RUNX1: variants seen among roughly 807,000 people sequenced by gnomAD.
RUNX1 encodes RUNX family transcription factor 1, also known as runt-related transcription factor 1.
Under a neutral mutation model 42.8 loss-of-function variants are expected in RUNX1, and 19 were observed. The ratio of observed to expected loss-of-function variants is 0.44; its 90% CI spans 0.31 to 0.65. The LOEUF (loss-of-function observed/expected upper bound fraction) is 0.65, where lower values mean the gene tolerates loss of function less well. RUNX1 is among the 30% of genes least tolerant of loss of function. The pLI, the probability that RUNX1 is intolerant of heterozygous loss-of-function variation, is 0.07. For missense variants in RUNX1, 528 were observed against 672.0 expected (o/e 0.79, Z 2.37); for synonymous variants, 271 against 289.4 (o/e 0.94, Z 0.64).
At chr21:34,938,337 T>G (rs375801658) in intron 2 of RUNX1, among the ~76,000 whole-genome samples, 1 of 152,192 alleles carries the variant, frequency 6.6e-6, no homozygotes, top group Non-Finnish European at 1.5e-5. Context: ...CTCTTTCAGT[T>G]ACTAATTAAG....
chr21:34,986,078 C>T (rs2058885368), intron 2 of RUNX1, among the ~76,000 whole-genome samples: 1 of 151,822 alleles, frequency 6.6e-6, no homozygotes, highest in Admixed American at 6.6e-5. Flanking sequence ...TGCCATGTTG[C>T]CCAGGCTGAT....
At chr21:34,887,739 A>C (rs1601531020) in intron 3 of RUNX1, 1 of 1,060,796 alleles carries the variant, frequency 9.4e-7, no homozygotes, top group Non-Finnish European at 1.1e-6. Context: ...AAATATTTAC[A>C]ATACAATCTG....
chr21:34,976,980 C>T lies in RUNX1; in HGVS notation c.58+71862G>A, dbSNP rs568392416. ...TGCTATCCAAATTACCTCACTCAAA[C>T]GGGGAAATGTTCCTTCCATTAAGTA... is the stretch of plus-strand genomic sequence containing the variant. On this transcript the variant is annotated intron_variant, in intron 2 of 8. Transcript: ENST00000675419. Among the ~76,000 whole-genome samples, 31 of 152,232 alleles carry T rather than the reference C, an allele frequency of 2.0e-4. 1 individual carries two copies. In the South Asian group the frequency reaches 5.0e-3, roughly 24 times the overall value.
chr21:34,974,049 T>C (rs985631516), intron 2 of RUNX1, among the ~76,000 whole-genome samples: 3 of 152,206 alleles, frequency 2.0e-5, no homozygotes, highest in Admixed American at 2.0e-4. Flanking sequence ...TAGATGGAGC[T>C]TTAGGCTATG....
At chr21:34,957,251 G>C (rs746536497) in intron 2 of RUNX1, among the ~76,000 whole-genome samples, 9 of 152,140 alleles carry the variant, frequency 5.9e-5, no homozygotes. Flanking sequence ...CACTAAATGT[G>C]ATAATTATCA....
At chr21:34,863,484 C>T (rs538476686) in intron 5 of RUNX1, among the ~76,000 whole-genome samples, 7 of 151,142 alleles carry the variant, frequency 4.6e-5, no homozygotes, top group Non-Finnish European at 1.0e-4. Context: ...AGGAGTAAAA[C>T]TTAATCAAAG....
At chr21:34,801,913 T>C (rs1219698090) in intron 7 of RUNX1, among the ~76,000 whole-genome samples, 1 of 152,188 alleles carries the variant, frequency 6.6e-6, no homozygotes, top group African/African-American at 2.4e-5. Flanking sequence ...ACTCTTGGTC[T>C]TTCTGTCTGG....
At chr21:34,793,852 C>T (rs931386020) in intron 8 of RUNX1, among the ~76,000 whole-genome samples, 2 of 151,732 alleles carry the variant, frequency 1.3e-5, no homozygotes, top group African/African-American at 4.9e-5. Context: ...TACAGGCGCC[C>T]GCCACCAGGC....
chr21:34,944,889 A>G (rs1050401111), intron 2 of RUNX1, among the ~76,000 whole-genome samples: 24 of 152,372 alleles, frequency 1.6e-4, no homozygotes, highest in African/African-American at 5.8e-4. Flanking sequence ...TGCTTGTTTA[A>G]CAGATGGCTT....
chr21:34,831,874 G>C (rs1284252269), intron 7 of RUNX1, among the ~76,000 whole-genome samples: 1 of 152,126 alleles, frequency 6.6e-6, no homozygotes, highest in East Asian at 1.9e-4. Context: ...CTCAAAACAT[G>C]ATTAGCGTAA....
intron 2 of RUNX1, among the ~76,000 whole-genome samples, chr21:34,949,667 G>T (rs983189315): frequency 6.6e-6 from 1 of 152,208 alleles, no homozygotes; most frequent in South Asian, 2.1e-4. Context: ...TGCCACACCC[G>T]CGCCAGCGAG....
rs554771158 is a variant in RUNX1 at position 34,801,685 on chromosome 21, T to C, written c.806-2223A>G. On this transcript the variant is annotated intron_variant, in intron 7 of 8. Coordinates refer to ENST00000675419, the MANE Select transcript of RUNX1 (RefSeq NM_001754.5). ...CCACAGTGACCTGTGCTTGGGTTCA[T>C]TGCCAGTGGTGGGCCAGAAGGTGGG... Among the ~76,000 whole-genome samples, 9 of 152,314 alleles carry C rather than the reference T, an allele frequency of 5.9e-5. No homozygotes were observed. The South Asian group carries it at 1.7e-3, about 28-fold the overall frequency.
chr21:34,963,725 A>T (rs559258467), intron 2 of RUNX1, among the ~76,000 whole-genome samples: 2 of 152,290 alleles, frequency 1.3e-5, no homozygotes, highest in South Asian at 2.1e-4. Flanking sequence ...GTGGATTTTG[A>T]CGGTGAATCA....
chr21:34,994,764 T>C (rs1479415544), intron 2 of RUNX1, among the ~76,000 whole-genome samples: 1 of 152,248 alleles, frequency 6.6e-6, no homozygotes, highest in African/African-American at 2.4e-5. Flanking sequence ...GTTAGACTCA[T>C]ACACATATAT....
At chr21:34,909,383 AG>A (rs2058252924) in intron 2 of RUNX1, among the ~76,000 whole-genome samples, 2 of 152,106 alleles carry the variant, frequency 1.3e-5, no homozygotes, top group African/African-American at 4.8e-5. Context: ...CACATCAGAT[AG>A]GTTTATTACT....
chr21:34,800,640 A>G (rs1001736292), intron 7 of RUNX1, among the ~76,000 whole-genome samples: 4 of 152,190 alleles, frequency 2.6e-5, no homozygotes, highest in Non-Finnish European at 5.9e-5. Flanking sequence ...GGGGCTTTTC[A>G]TTTCCAGCAG....
At chr21:34,804,368 C>T (rs906464511) in intron 7 of RUNX1, among the ~76,000 whole-genome samples, 1 of 152,048 alleles carries the variant, frequency 6.6e-6, no homozygotes, top group East Asian at 1.9e-4. Context: ...AGGAGGAGTT[C>T]ATAGAGAAGC....
intron 2 of RUNX1, among the ~76,000 whole-genome samples, chr21:34,942,580 T>C (rs1229682721): frequency 6.6e-6 from 1 of 152,226 alleles, no homozygotes; most frequent in Admixed American, 6.5e-5. Context: ...ACAAATGGCA[T>C]TAAATACCAG....
chr21:34,920,244 C>A (rs938840961), intron 2 of RUNX1, among the ~76,000 whole-genome samples: 1 of 152,162 alleles, frequency 6.6e-6, no homozygotes, highest in African/African-American at 2.4e-5. Context: ...TCTTTTGTTT[C>A]TTTCACTATT....
Sources: allele counts gnomAD v4.1 joint callset (sites outside exome capture counted in the v4.1 genomes callset), GRCh38; gene constraint gnomAD v4.1.1; transcripts MANE v1.5; gene names NCBI Gene and HGNC (gene_info 2026-07-23, HGNC 2026-07-21).